Variants in DEPDC1B observed in about 807,000 individuals in gnomAD.
DEPDC1B encodes DEP domain-containing protein 1B.
DEPDC1B carries 51 observed loss-of-function variants against 66.5 expected under a neutral mutation model. The ratio of observed to expected loss-of-function variants is 0.77; its 90% confidence interval spans 0.61 to 0.97. DEPDC1B has a LOEUF of 0.97. Ranked by LOEUF, DEPDC1B falls within the 50% of genes least tolerant of loss-of-function variation. DEPDC1B has a pLI of 0.00. For synonymous variants in DEPDC1B, 226 were observed against 223.6 expected (o/e 1.01, Z -0.10); for missense variants, 552 against 637.1 (o/e 0.87, Z 1.44).
chr5:60,672,850 A>G (rs1432838171), intron 2 of DEPDC1B, among the ~76,000 whole-genome samples: 1 of 152,156 alleles, frequency 6.6e-6, no homozygotes, highest in Non-Finnish European at 1.5e-5. Context: ...CTAAGCTCAC[A>G]TTATACTTAA....
In DEPDC1B at chr5:60,626,993, T is replaced by A. The variant is rs1365577003; in HGVS notation, c.898+11757A>T. 3.3e-5 allele frequency among the ~76,000 whole-genome samples: 5 copies of A among 152,230 alleles called. No homozygotes were observed. The East Asian group carries it at 9.7e-4, about 29-fold the overall frequency. On this transcript the variant is annotated intron_variant, in intron 7 of 10. Coordinates refer to ENST00000265036, the MANE Select transcript of DEPDC1B (RefSeq NM_018369.3). ...GGGGGTATCTATAATACTTGTGAAGTCCTTCTTTACATACAGTTCCAAGGA... is the reference window on the plus strand; with the variant it reads ...GGGGGTATCTATAATACTTGTGAAGACCTTCTTTACATACAGTTCCAAGGA...
chr5:60,676,104 G>T (rs1438851543), intron 2 of DEPDC1B, among the ~76,000 whole-genome samples: 1 of 151,266 alleles, frequency 6.6e-6, no homozygotes, highest in African/African-American at 2.4e-5. Context: ...CAATTTTTTT[G>T]TATTTTTAGT....
Position 60,677,537 on chromosome 5 carries a change from A to C in DEPDC1B, c.314+9425T>G, listed in dbSNP as rs545598275. Reference sequence around the variant, plus strand: ...CCTCCCTGTCATTTTTTTCTTTTTTATTTTTTCTTTTTTTTATGAGACAAG... The same window carrying C: ...CCTCCCTGTCATTTTTTTCTTTTTTCTTTTTTCTTTTTTTTATGAGACAAG... On this transcript the variant is annotated intron_variant, in intron 2 of 10. Coordinates refer to ENST00000265036, the MANE Select transcript of DEPDC1B (RefSeq NM_018369.3). Among the ~76,000 whole-genome samples the C allele has an allele frequency of 7.0e-4, 106 of 151,616 alleles. 2 individuals carry two copies. Among genetic ancestry groups the C allele is most frequent in the East Asian group, 1.2e-3 (6 of 5,142 alleles).
chr5:60,660,391 G>C (rs1043037179), intron 2 of DEPDC1B, among the ~76,000 whole-genome samples: 2 of 151,894 alleles, frequency 1.3e-5, no homozygotes, highest in East Asian at 3.9e-4. Flanking sequence ...TAAAAGCCAG[G>C]GTAAATTTAA....
chr5:60,657,117 C>T (rs757357853), intron 2 of DEPDC1B, among the ~76,000 whole-genome samples: 8 of 152,150 alleles, frequency 5.3e-5, no homozygotes, highest in Non-Finnish European at 8.8e-5. Context: ...TACTCCTGCT[C>T]GCTTTTGGCA....
At position 60,700,117 on chromosome 5, in the gene DEPDC1B, A is replaced by G. The variant is rs1754756094; in HGVS notation, c.-24T>C. On this transcript the variant is annotated 5_prime_UTR_variant, in exon 1 of 11. Transcript: ENST00000265036. ...ATGGCGCGTAGGCAGCAGCGGCCGCAGCCGCGCCAGCGCTGATCCCCGCCA... is the reference window on the plus strand; with the variant it reads ...ATGGCGCGTAGGCAGCAGCGGCCGCGGCCGCGCCAGCGCTGATCCCCGCCA... The G allele has an allele frequency of 3.2e-6, 5 of 1,541,144 alleles. No individual in the cohort carries two copies. In the South Asian group the frequency reaches 6.0e-5, roughly 18 times the overall value.
At chr5:60,621,429 C>G (rs1752698430) in intron 7 of DEPDC1B, among the ~76,000 whole-genome samples, 1 of 152,054 alleles carries the variant, frequency 6.6e-6, no homozygotes. Flanking sequence ...TTATTCTCAG[C>G]AAACTATCGC....
intron 3 of DEPDC1B, among the ~76,000 whole-genome samples, chr5:60,646,270 C>T (rs991199065): frequency 5.9e-5 from 9 of 152,128 alleles, no homozygotes; most frequent in Admixed American, 2.6e-4. Context: ...CAATGAGCTT[C>T]GGTTTTCTAA....
At chr5:60,667,818 G>A (rs1753899065) in intron 2 of DEPDC1B, among the ~76,000 whole-genome samples, 2 of 117,774 alleles carry the variant, frequency 1.7e-5, no homozygotes, top group Admixed American at 9.0e-5. Flanking sequence ...TATAAAAAAT[G>A]GATATTTTAC....
At chr5:60,695,888 G>T (rs11750609) in intron 1 of DEPDC1B, among the ~76,000 whole-genome samples, 86,346 of 151,840 alleles carry the variant, frequency 0.57, 24,825 homozygotes, top group East Asian at 0.77. Context: ...AACCTCCGAC[G>T]CCCTGGTTCA....
chr5:60,686,468 A>G (rs1463938007), intron 2 of DEPDC1B, among the ~76,000 whole-genome samples: 1 of 152,222 alleles, frequency 6.6e-6, no homozygotes, highest in Non-Finnish European at 1.5e-5. Context: ...AAACATGAGC[A>G]AAAATGTTTG....
intron 1 of DEPDC1B, among the ~76,000 whole-genome samples, chr5:60,699,788 C>T (rs1019675020): frequency 1.3e-5 from 2 of 152,180 alleles, no homozygotes; most frequent in Non-Finnish European, 2.9e-5. Context: ...AACAGAGAGG[C>T]GCCATCTACT....
chr5:60,686,230 T>G (rs1251386141), intron 2 of DEPDC1B, among the ~76,000 whole-genome samples: 1 of 152,220 alleles, frequency 6.6e-6, no homozygotes, highest in Non-Finnish European at 1.5e-5. Context: ...AGGGTCCATA[T>G]TCTCCATTCC....
At chr5:60,673,129 C>G (rs148950762) in intron 2 of DEPDC1B, among the ~76,000 whole-genome samples, 2 of 152,246 alleles carry the variant, frequency 1.3e-5, no homozygotes, top group East Asian at 1.9e-4. Context: ...CCCTGACCAA[C>G]CTGTCTCCCT....
At chr5:60,633,915 C>G (rs1375027531) in intron 7 of DEPDC1B, among the ~76,000 whole-genome samples, 3 of 152,078 alleles carry the variant, frequency 2.0e-5, no homozygotes, top group East Asian at 3.8e-4. Flanking sequence ...ACAGGGCACC[C>G]CTTTACATTC....
At chr5:60,618,555 C>G (rs1321636571) in intron 7 of DEPDC1B, among the ~76,000 whole-genome samples, 3 of 152,190 alleles carry the variant, frequency 2.0e-5, no homozygotes, top group African/African-American at 2.4e-5. Context: ...GGATAAATTC[C>G]TCGATACATA....
intron 2 of DEPDC1B, among the ~76,000 whole-genome samples, chr5:60,664,183 G>GA (rs1439007505): frequency 1.3e-5 from 2 of 152,140 alleles, no homozygotes; most frequent in African/African-American, 2.4e-5. Context: ...ATATGTCACA[G>GA]AAAAAACAGG....
chr5:60,612,421 T>TA (rs564965370), intron 7 of DEPDC1B, among the ~76,000 whole-genome samples: 332 of 97,294 alleles, frequency 3.4e-3, no homozygotes, highest in East Asian at 9.0e-3. Context: ...AGACTCCACC[T>TA]AAAAAAAAAA....
intron 2 of DEPDC1B, among the ~76,000 whole-genome samples, chr5:60,679,556 G>A (rs1351734575): frequency 6.6e-6 from 1 of 152,074 alleles, no homozygotes; most frequent in Non-Finnish European, 1.5e-5. Flanking sequence ...AGAAAAAAGA[G>A]AAGGAAAGAA....
Sources: allele counts gnomAD v4.1 joint callset (sites outside exome capture counted in the v4.1 genomes callset), GRCh38; gene constraint gnomAD v4.1.1; transcripts MANE v1.5; gene names NCBI Gene and HGNC (gene_info 2026-07-23, HGNC 2026-07-21).